Variants in RPUSD1 observed in about 807,000 individuals in gnomAD.
RPUSD1 encodes RNA pseudouridine synthase domain containing 1.
Under a neutral mutation model 22.4 loss-of-function variants are expected in RPUSD1, and 28 were observed. The ratio of observed to expected loss-of-function variants is 1.25; its 90% CI spans 0.93 to 1.72. The LOEUF is 1.72. Among genes scored for constraint, RPUSD1 ranks in the 40% most tolerant of loss-of-function variants. The pLI, the probability that RPUSD1 is intolerant of heterozygous loss-of-function variation, is 0.00. For missense variants in RPUSD1, 596 were observed against 442.2 expected (o/e 1.35, Z -3.12); for synonymous variants, 298 against 201.0 (o/e 1.48, Z -4.08).
Position 785,996 on chromosome 16 carries a change from G to C in RPUSD1, c.893C>G (p.Pro298Arg). Residue 298 changes from proline to arginine, a missense_variant, in exon 6 of 6, where the codon CCC becomes CGC. Transcript: ENST00000007264. Reference protein sequence around the residue: ...KPPETEAQRGPCLQWLSEWTL... With the variant: ...KPPETEAQRGRCLQWLSEWTL... The stretch of plus-strand genomic sequence containing the variant: ...CCACTCCGACAGCCACTGCAGGCAG[G>C]GGCCCCGCTGTGCCTCAGTCTCAGG... 1 of 1,459,542 alleles carries C rather than the reference G, an allele frequency of 6.9e-7. No individual in the cohort carries two copies. Among genetic ancestry groups the C allele is most frequent in the Non-Finnish European group, 9.0e-7 (1 of 1,110,094 alleles). The allele number at this position is 1,459,542 out of a possible 1,614,324, so 90.4% of individuals were successfully genotyped here.
In RPUSD1 at chr16:786,185, T is replaced by C; in HGVS notation, c.704A>G (p.Asp235Gly). The C allele has an allele frequency of 3.1e-6, 5 of 1,612,512 alleles. No individual in the cohort carries two copies. The highest frequency in any genetic ancestry group is 4.2e-6 in the Non-Finnish European group (5 of 1,179,812). The change falls in exon 6 of 6, where the codon GAT becomes GGT. Residue 235 changes from aspartate (D) to glycine (G), a missense_variant. Transcript: ENST00000007264. ...CAGTGTGTGGGGGCTCCAGCAGGCATCCAGGGAGGGCAGGAAGGGGTCAGG... is the reference window on the plus strand; with the variant it reads ...CAGTGTGTGGGGGCTCCAGCAGGCACCCAGGGAGGGCAGGAAGGGGTCAGG... The part of the protein sequence containing the change: ...CTPDPFLPSL[D>G]ACWSPHTLLQ...
In RPUSD1 at chr16:785,996, G is replaced by T. The variant is rs1277803045; in HGVS notation, c.893C>A (p.Pro298His). 4.1e-6 allele frequency: 6 copies of T among 1,459,424 alleles called. No individual in the cohort carries two copies. The South Asian group carries it at 8.4e-5, about 20-fold the overall frequency. 90.4% of individuals were successfully genotyped at this position (1,459,424 alleles called of 1,614,324 possible). Residue 298 changes from proline to histidine, a missense_variant, in exon 6 of 6, where the codon CCC (proline) becomes CAC (histidine). By Grantham distance (77) the Pro-to-His change is moderately conservative (BLOSUM62 -2). Transcript: ENST00000007264. Reference protein sequence around the residue: ...KPPETEAQRGPCLQWLSEWTL... With the variant: ...KPPETEAQRGHCLQWLSEWTL... ...CCACTCCGACAGCCACTGCAGGCAG[G>T]GGCCCCGCTGTGCCTCAGTCTCAGG...
intron 2 of RPUSD1, 34 bp from the exon 3 acceptor site, chr16:787,511 T>G: frequency 1.3e-6 from 2 of 1,597,660 alleles, no homozygotes; most frequent in Non-Finnish European, 1.7e-6. Flanking sequence ...TCTGAGCCAC[T>G]TTCCTCCACA....
chr16:785,911 G>A lies in RPUSD1; in HGVS notation c.*39C>T, dbSNP rs568098520. The A allele has an allele frequency of 1.6e-5, 23 of 1,409,814 alleles. No individual in the cohort carries two copies. The highest frequency in any genetic ancestry group is 4.7e-5 in the South Asian group (3 of 63,392). The allele number at this position is 1,409,814 out of a possible 1,614,324, so 87.3% of individuals were successfully genotyped here. ...CGCTCGCCCATCTCCCTAGAGTCCC[G>A]CTGTGCAGCTGACACCCCCTGCCCC... On this transcript the variant is annotated 3_prime_UTR_variant, in exon 6 of 6. Coordinates refer to ENST00000007264, the MANE Select transcript of RPUSD1 (RefSeq NM_058192.3).
At chr16:786,496 G>A in intron 5 of RPUSD1, 119 bp from the exon 6 acceptor site, 6 of 999,732 alleles carry the variant, frequency 6.0e-6, no homozygotes, top group South Asian at 1.5e-5. Flanking sequence ...GCCTCTTGGG[G>A]TGGAACTCTC....
In RPUSD1 at chr16:787,399, G is replaced by A; in HGVS notation, c.261C>T (p.Tyr87=). ...ALNKAAAGSA[Y]RCFKERRVTK... is the part of the protein sequence containing the mutation. ...TCACGCGCCGCTCCTTGAAGCACCT[G>A]TACGCGCTGCCGGCGGCTGCCTTGT... The change falls in exon 3 of 6, where the codon TAC becomes TAT. Residue 87 remains tyrosine (Y), a synonymous_variant. Coordinates refer to ENST00000007264, the MANE Select transcript of RPUSD1 (RefSeq NM_058192.3). 3.8e-6 allele frequency: 6 copies of A among 1,589,162 alleles called. No homozygotes were observed. The highest frequency in any genetic ancestry group is 5.1e-6 in the Non-Finnish European group (6 of 1,167,934).
rs1042293796 is a variant in RPUSD1 at position 785,690 on chromosome 16, G to A, written c.*260C>T. 7 of 393,102 alleles carry A rather than the reference G, an allele frequency of 1.8e-5. No homozygotes were observed. Among genetic ancestry groups the A allele is most frequent in the South Asian group, 1.2e-4 (1 of 8,230 alleles). The allele number at this position is 393,102 out of a possible 1,614,324, so 24.4% of individuals were successfully genotyped here. The stretch of plus-strand genomic sequence containing the variant: ...GGAGGGAGGGGCCTCGGTTTCTCCC[G>A]GGGCATGTGGGCAGGAAGGCCCTCG... On this transcript the variant is annotated 3_prime_UTR_variant, in exon 6 of 6. Coordinates refer to ENST00000007264, the MANE Select transcript of RPUSD1 (RefSeq NM_058192.3).
At position 786,820 on chromosome 16, in the gene RPUSD1, G is replaced by C; in HGVS notation, c.511+7C>G. On this transcript the variant is annotated splice_region_variant and intron_variant, in intron 5 of 5. Transcript: ENST00000007264. Reference sequence around the variant, plus strand: ...CACCACCAGGACACCGCCCACCCCAGACACACCCGTGAGCGGCTTCAGCAG... The same window carrying C: ...CACCACCAGGACACCGCCCACCCCACACACACCCGTGAGCGGCTTCAGCAG... The C allele has an allele frequency of 6.2e-7, 1 of 1,610,922 alleles. No individual in the cohort carries two copies. Among genetic ancestry groups the C allele is most frequent in the South Asian group, 1.1e-5 (1 of 91,060 alleles).
In RPUSD1 at chr16:785,348, GGCCTGCAGA is replaced by G. The variant is rs1451873579; in HGVS notation, c.*593_*601del. Reference sequence around the variant, plus strand: ...AGTGAGGCCAAGGCACACGCAGCCGGGCCTGCAGACTCGAGCCCAGCAGGGACCATTAGG... The same window carrying G: ...AGTGAGGCCAAGGCACACGCAGCCGGCTCGAGCCCAGCAGGGACCATTAGG... On this transcript the variant is annotated 3_prime_UTR_variant, in exon 6 of 6. Coordinates refer to ENST00000007264, the MANE Select transcript of RPUSD1 (RefSeq NM_058192.3). The G allele has an allele frequency of 1.3e-5, 2 of 152,838 alleles. No homozygotes were observed. The highest frequency in any genetic ancestry group is 4.8e-5 in the African/African-American group (2 of 41,474). 9.5% of individuals were successfully genotyped at this position (152,838 alleles called of 1,614,324 possible).
At position 786,233 on chromosome 16, in the gene RPUSD1, G is replaced by T; in HGVS notation, c.656C>A (p.Thr219Asn). 3 of 1,612,790 alleles carry T rather than the reference G, an allele frequency of 1.9e-6. No homozygotes were observed. The highest frequency in any genetic ancestry group is 2.5e-6 in the Non-Finnish European group (3 of 1,179,940). Residue 219 changes from threonine (T) to asparagine (N), a missense_variant, in exon 6 of 6, where the codon ACC (threonine) becomes AAC (asparagine). Thr to Asn is a moderately conservative substitution (Grantham distance 65). Coordinates refer to ENST00000007264, the MANE Select transcript of RPUSD1 (RefSeq NM_058192.3). The part of the protein sequence containing the change: ...HAFYLRIPTD[T>N]ECVEVCTPDP... Reference sequence around the variant, plus strand: ...AGGCGTGCAGACCTCCACACACTCGGTGTCCGTGGGGATGCGCAGGTAGAA... The same window carrying T: ...AGGCGTGCAGACCTCCACACACTCGTTGTCCGTGGGGATGCGCAGGTAGAA...
In RPUSD1 at chr16:787,092, T is replaced by G. The variant is rs775941853; in HGVS notation, c.394A>C (p.Ile132Leu). ...CCTGCCACACCCTGCGAGCCCTCGA[T>G]GCACATGGTGTGGGCCCGGCCCTCC... ...STEGRAHTMC[I>L]EGSQGCENPK... The change falls in exon 4 of 6, where the codon ATC (isoleucine) becomes CTC (leucine). Residue 132 changes from isoleucine to leucine, a missense_variant. Coordinates refer to ENST00000007264, the MANE Select transcript of RPUSD1 (RefSeq NM_058192.3). 6.2e-7 allele frequency: 1 copy of G among 1,607,300 alleles called. No individual in the cohort carries two copies. The highest frequency in any genetic ancestry group is 1.7e-5 in the Admixed American group (1 of 59,770).
chr16:785,922 G>T lies in RPUSD1; in HGVS notation c.*28C>A. The T allele has an allele frequency of 1.4e-6, 2 of 1,424,238 alleles. No individual in the cohort carries two copies. The highest frequency in any genetic ancestry group is 1.5e-5 in the South Asian group (1 of 65,264). The allele number at this position is 1,424,238 out of a possible 1,614,324, so 88.2% of individuals were successfully genotyped here. ...CTCCCTAGAGTCCCGCTGTGCAGCT[G>T]ACACCCCCTGCCCCAGCCCCACGGC... is the stretch of plus-strand genomic sequence containing the variant. On this transcript the variant is annotated 3_prime_UTR_variant, in exon 6 of 6. Transcript: ENST00000007264.
chr16:787,329 C>A, intron 3 of RPUSD1, 25 bp downstream of exon 3: 3 of 1,566,656 alleles, frequency 1.9e-6, no homozygotes, highest in Non-Finnish European at 2.6e-6. Context: ...CCCCACGCCC[C>A]ACCCCAGGAC....
chr16:787,346 G>A lies in RPUSD1; in HGVS notation c.306+8C>T, dbSNP rs755737415. 33 of 1,581,560 alleles carry A rather than the reference G, an allele frequency of 2.1e-5. No individual in the cohort carries two copies. The highest frequency in any genetic ancestry group is 1.7e-4 in the South Asian group (15 of 87,336). ...CCACGCCCCACCCCAGGACTGACCA[G>A]GTCTTACCAATGCCAGGTAAGCCTT... is the stretch of plus-strand genomic sequence containing the variant. On this transcript the variant is annotated splice_region_variant and intron_variant, in intron 3 of 5. Coordinates refer to ENST00000007264, the MANE Select transcript of RPUSD1 (RefSeq NM_058192.3).
chr16:787,376 A>G lies in RPUSD1; in HGVS notation c.284T>C (p.Val95Ala), dbSNP rs147488694. The stretch of plus-strand genomic sequence containing the variant: ...TACCAATGCCAGGTAAGCCTTGGTC[A>G]CGCGCCGCTCCTTGAAGCACCTGTA... ...SAYRCFKERRVTKAYLALLRG... is the reference protein window; with the variant it reads ...SAYRCFKERRATKAYLALLRG... The change falls in exon 3 of 6, where the codon GTG becomes GCG. Residue 95 changes from valine to alanine, a missense_variant. Val to Ala is a moderately conservative substitution (Grantham distance 64). Transcript: ENST00000007264. 3.4e-5 allele frequency: 54 copies of G among 1,587,144 alleles called. No homozygotes were observed. The African/African-American group carries it at 7.2e-4, about 21-fold the overall frequency.
Position 787,549 on chromosome 16 carries a change from C to G in RPUSD1, c.182+7G>C, listed in dbSNP as rs1166413808. 2.5e-6 allele frequency: 4 copies of G among 1,609,470 alleles called. No homozygotes were observed. The highest frequency in any genetic ancestry group is 1.3e-5 in the African/African-American group (1 of 74,884). ...CGCCACCGTGGGGCTCCGGCCGCCC[C>G]CCCTACCTGAACCCGTAGCAGGTGT... On this transcript the variant is annotated splice_region_variant and intron_variant, in intron 2 of 5. Coordinates refer to ENST00000007264, the MANE Select transcript of RPUSD1 (RefSeq NM_058192.3).
In RPUSD1 at chr16:786,014, G is replaced by A; in HGVS notation, c.875C>T (p.Thr292Ile). ...PPPPPTKPPETEAQRGPCLQW... is the reference protein window; with the variant it reads ...PPPPPTKPPEIEAQRGPCLQW... The stretch of plus-strand genomic sequence containing the variant: ...CAGGCAGGGGCCCCGCTGTGCCTCA[G>A]TCTCAGGGGGCTTGGTTGGGGGTGG... The change falls in exon 6 of 6, where the codon ACT becomes ATT. Residue 292 changes from threonine (T) to isoleucine (I), a missense_variant. Physicochemically the swap from Thr to Ile is moderately conservative, Grantham distance 89 (BLOSUM62 -1). Transcript: ENST00000007264. The A allele has an allele frequency of 1.3e-6, 2 of 1,487,840 alleles. No individual in the cohort carries two copies. The highest frequency in any genetic ancestry group is 1.8e-6 in the Non-Finnish European group (2 of 1,122,570). The allele number at this position is 1,487,840 out of a possible 1,614,324, so 92.2% of individuals were successfully genotyped here.
At chr16:787,986 G>T (rs577596418) in intron 1 of RPUSD1, 50 of 579,328 alleles carry the variant, frequency 8.6e-5, no homozygotes, top group Non-Finnish European at 1.4e-4. Context: ...TAAGCCTGGA[G>T]AAAGAGCCCG....
chr16:786,205 G>A lies in RPUSD1; in HGVS notation c.684C>T (p.Asp228=), dbSNP rs756532545. 59 of 1,612,638 alleles carry A rather than the reference G, an allele frequency of 3.7e-5. No individual in the cohort carries two copies. Among genetic ancestry groups the A allele is most frequent in the African/African-American group, 2.7e-5 (2 of 74,936 alleles). Residue 228 remains aspartate (D), a synonymous_variant, in exon 6 of 6, where the codon GAC becomes GAT. Coordinates refer to ENST00000007264, the MANE Select transcript of RPUSD1 (RefSeq NM_058192.3). The part of the protein sequence containing the change: ...DTECVEVCTP[D]PFLPSLDACW... ...AGGCATCCAGGGAGGGCAGGAAGGGGTCAGGCGTGCAGACCTCCACACACT... is the reference window on the plus strand; with the variant it reads ...AGGCATCCAGGGAGGGCAGGAAGGGATCAGGCGTGCAGACCTCCACACACT...
Sources: gnomAD v4.1 joint callset for allele counts on GRCh38, gnomAD v4.1.1 for gene constraint, MANE v1.5 for transcripts, NCBI Gene and HGNC (gene_info 2026-07-23, HGNC 2026-07-21) for gene names.